The following HIBADH variants were observed in gnomAD, a reference collection of about 807,000 sequenced individuals.
HIBADH encodes the protein 3-hydroxyisobutyrate dehydrogenase, mitochondrial.
A neutral mutation model predicts 36.1 loss-of-function variants in HIBADH; 25 were observed. That is an observed-to-expected ratio of 0.69 (90% CI 0.50 to 0.97). HIBADH has a LOEUF of 0.97. Ranked by LOEUF, HIBADH falls within the 50% of genes least tolerant of loss-of-function variation. The pLI is 0.00. For missense variants in HIBADH, 421 were observed against 418.0 expected, an observed-to-expected ratio of 1.01 and a Z score of -0.06; for synonymous variants, 160 against 149.5, an observed-to-expected ratio of 1.07 and a Z score of -0.51.
chr7:27,609,328 T>G (rs1785285337), intron 4 of HIBADH, among the ~76,000 whole-genome samples: 1 of 152,184 alleles, frequency 6.6e-6, no homozygotes. Flanking sequence ...TGCAAGGCAG[T>G]CTTAGGCATG....
At chr7:27,534,565 ACCTCCTC>A (rs1363540393) in intron 6 of HIBADH, among the ~76,000 whole-genome samples, 1 of 151,568 alleles carries the variant, frequency 6.6e-6, no homozygotes, top group African/African-American at 2.4e-5. Flanking sequence ...TCACTCCCCT[ACCTCCTC>A]CCTCCTCTCC....
intron 5 of HIBADH, among the ~76,000 whole-genome samples, chr7:27,541,274 C>T (rs953305991): frequency 1.3e-5 from 2 of 152,014 alleles, no homozygotes; most frequent in Non-Finnish European, 2.9e-5. Flanking sequence ...GAAGCTACTT[C>T]GCCTATTTCT....
chr7:27,574,012 T>C (rs1319326923), intron 4 of HIBADH, among the ~76,000 whole-genome samples: 3 of 152,172 alleles, frequency 2.0e-5, no homozygotes, highest in African/African-American at 4.8e-5. Context: ...CTTTCAGAAT[T>C]TGAACCTAAA....
intron 4 of HIBADH, among the ~76,000 whole-genome samples, chr7:27,547,834 A>C (rs1784256229): frequency 6.6e-6 from 1 of 152,146 alleles, no homozygotes; most frequent in South Asian, 2.1e-4. Context: ...GGCATGTTTT[A>C]CTTTGCACAA....
At chr7:27,604,753 G>T (rs62456951) in intron 4 of HIBADH, among the ~76,000 whole-genome samples, 1 of 151,852 alleles carries the variant, frequency 6.6e-6, no homozygotes, top group Admixed American at 6.6e-5. Flanking sequence ...ATACTGAAGG[G>T]TGCATATATT....
At chr7:27,528,867 A>G (rs1783952600) in intron 7 of HIBADH, among the ~76,000 whole-genome samples, 1 of 152,190 alleles carries the variant, frequency 6.6e-6, no homozygotes, top group Admixed American at 6.5e-5. Context: ...AGAGAAGTCA[A>G]TGTCTGTTTC....
At chr7:27,618,427 C>T (rs1785472977) in intron 4 of HIBADH, among the ~76,000 whole-genome samples, 1 of 152,190 alleles carries the variant, frequency 6.6e-6, no homozygotes, top group Admixed American at 6.5e-5. Context: ...ACCAGTATCG[C>T]AGCCACCACC....
chr7:27,660,184 A>G (rs1348395981), intron 1 of HIBADH, among the ~76,000 whole-genome samples: 1 of 152,250 alleles, frequency 6.6e-6, no homozygotes, highest in Non-Finnish European at 1.5e-5. Flanking sequence ...CATCTTAAAC[A>G]TACTACAAAT....
At chr7:27,599,996 G>A (rs1289658436) in intron 4 of HIBADH, among the ~76,000 whole-genome samples, 1 of 152,124 alleles carries the variant, frequency 6.6e-6, no homozygotes, top group East Asian at 1.9e-4. Flanking sequence ...AGAAGTAACA[G>A]AGATAAGTAA....
intron 4 of HIBADH, among the ~76,000 whole-genome samples, chr7:27,576,686 A>G (rs990205771): frequency 1.3e-5 from 2 of 152,182 alleles, no homozygotes; most frequent in South Asian, 2.1e-4. Flanking sequence ...CCTTTTTCCT[A>G]TACTTAGCTC....
intron 4 of HIBADH, among the ~76,000 whole-genome samples, chr7:27,615,622 G>T (rs1053427114): frequency 3.9e-5 from 6 of 152,056 alleles, no homozygotes; most frequent in African/African-American, 1.4e-4. Flanking sequence ...TCATGTTTGT[G>T]GTGATGCTGG....
At chr7:27,541,132 C>CTTT (rs60000681) in intron 5 of HIBADH, among the ~76,000 whole-genome samples, 1 of 144,288 alleles carries the variant, frequency 6.9e-6, no homozygotes, top group Non-Finnish European at 1.5e-5. Context: ...TTCGAGCATC[C>CTTT]TTTTTTTTTT....
intron 4 of HIBADH, among the ~76,000 whole-genome samples, chr7:27,618,477 AACC>A (rs2128292931): frequency 6.6e-6 from 1 of 152,268 alleles, no homozygotes; most frequent in South Asian, 2.1e-4. Flanking sequence ...AAGGTAATCA[AACC>A]ACCACTATTG....
At chr7:27,548,335 G>C (rs1180074417) in intron 4 of HIBADH, among the ~76,000 whole-genome samples, 1 of 152,050 alleles carries the variant, frequency 6.6e-6, no homozygotes, top group Non-Finnish European at 1.5e-5. Flanking sequence ...CTGAGAATGA[G>C]GAAGAAACAA....
At chr7:27,626,104 G>GGAAA (rs71555703) in intron 4 of HIBADH, among the ~76,000 whole-genome samples, 2 of 72,496 alleles carry the variant, frequency 2.8e-5, no homozygotes, top group Admixed American at 2.1e-4. Flanking sequence ...CTCCGTCTCA[G>GGAAA]AAAAAAAAAA....
chr7:27,558,903 G>C (rs1168907502), intron 4 of HIBADH, among the ~76,000 whole-genome samples: 2 of 152,134 alleles, frequency 1.3e-5, no homozygotes, highest in South Asian at 2.1e-4. Flanking sequence ...AGTTTGAAAT[G>C]GTAGCTGTAT....
intron 4 of HIBADH, among the ~76,000 whole-genome samples, chr7:27,556,146 A>G (rs1317759618): frequency 8.3e-6 from 1 of 119,878 alleles, no homozygotes; most frequent in South Asian, 2.7e-4. Flanking sequence ...CTTGTTAATA[A>G]TATCTGCTTC....
intron 4 of HIBADH, among the ~76,000 whole-genome samples, chr7:27,571,259 G>A (rs149446669): frequency 6.6e-4 from 100 of 151,292 alleles, no homozygotes; most frequent in African/African-American, 2.3e-3. Flanking sequence ...TTTTGCTCTC[G>A]TTGCCCAAGC....
intron 4 of HIBADH, among the ~76,000 whole-genome samples, chr7:27,613,763 A>G (rs1785377283): frequency 6.6e-6 from 1 of 151,528 alleles, no homozygotes; most frequent in Admixed American, 6.6e-5. Context: ...GGTTCAAGTG[A>G]ATCTTCCATC....
Sources: allele counts gnomAD v4.1 joint callset (sites outside exome capture counted in the v4.1 genomes callset), GRCh38; gene constraint gnomAD v4.1.1; transcripts MANE v1.5; gene names NCBI Gene and HGNC (gene_info 2026-07-23, HGNC 2026-07-21).